ST7: variants seen among roughly 807,000 people sequenced by gnomAD.
The protein encoded by ST7 is suppression of tumorigenicity 7, also known as suppressor of tumorigenicity 7 protein.
Under a neutral mutation model 78.7 loss-of-function variants are expected in ST7, and 28 were observed. The ratio of observed to expected loss-of-function variants is 0.36; its 90% CI spans 0.26 to 0.49. The LOEUF is 0.49. ST7 is among the 20% of genes least tolerant of loss of function. ST7 has a pLI of 0.99. For synonymous variants in ST7, 247 were observed against 249.6 expected (o/e 0.99, Z 0.10); for missense variants, 418 against 696.0 (o/e 0.60, Z 4.49).
At position 117,031,882 on chromosome 7, in the gene ST7, A is replaced by AT. The variant is rs760153477; in HGVS notation, c.152-67864dup. ...TCTATCTATCTATCTATATATATATATTTTTTTTTTTTTTTTGGCAATGGA... is the reference window on the plus strand; with the variant it reads ...TCTATCTATCTATCTATATATATATATTTTTTTTTTTTTTTTTGGCAATGGA... On this transcript the variant is annotated intron_variant, in intron 1 of 15. Coordinates refer to ENST00000323984, the MANE Select transcript of ST7 (RefSeq NM_001369598.1). Among the ~76,000 whole-genome samples the AT allele has an allele frequency of 1.1e-3, 126 of 110,340 alleles. 5 individuals are homozygous for AT. Among genetic ancestry groups the AT allele is most frequent in the Admixed American group, 1.9e-3 (19 of 10,258 alleles). The allele number at this position is 110,340 out of a possible 152,430, so 72.4% of individuals were successfully genotyped here.
intron 13 of ST7, among the ~76,000 whole-genome samples, chr7:117,213,111 G>A (rs1374475797): frequency 6.6e-6 from 1 of 152,192 alleles, no homozygotes; most frequent in African/African-American, 2.4e-5. Context: ...GAAAGTTGCC[G>A]CAGCTCCCTC....
intron 1 of ST7, chr7:116,972,731 C>T (rs1345226322): frequency 3.3e-6 from 3 of 922,072 alleles, no homozygotes; most frequent in South Asian, 2.6e-5. Flanking sequence ...TCCAGCTTCT[C>T]ATGAACCAGC....
intron 7 of ST7, 79 bp downstream of exon 7, chr7:117,134,271 A>C: frequency 6.3e-7 from 1 of 1,593,756 alleles, no homozygotes. Context: ...TGACACCCCC[A>C]TCACCACACT....
chr7:116,981,333 C>T (rs1040478251), intron 1 of ST7, among the ~76,000 whole-genome samples: 3 of 152,108 alleles, frequency 2.0e-5, no homozygotes, highest in Non-Finnish European at 4.4e-5. Flanking sequence ...TGGTCTCAAA[C>T]TCCTGGGCTT....
chr7:117,164,408 GAT>G (rs1033043881), intron 9 of ST7, among the ~76,000 whole-genome samples: 1 of 152,128 alleles, frequency 6.6e-6, no homozygotes, highest in African/African-American at 2.4e-5. Context: ...TTCAGAATGT[GAT>G]AGAAACAATG....
intron 15 of ST7, 84 bp downstream of exon 15, chr7:117,222,146 C>G: frequency 6.8e-7 from 1 of 1,473,114 alleles, no homozygotes; most frequent in Non-Finnish European, 9.0e-7. Flanking sequence ...AATGGGGTTG[C>G]CTTACAGAAA....
At chr7:117,125,136 C>G (rs1803721690) in intron 3 of ST7, among the ~76,000 whole-genome samples, 1 of 152,062 alleles carries the variant, frequency 6.6e-6, no homozygotes, top group Non-Finnish European at 1.5e-5. Flanking sequence ...TCCTTTGACA[C>G]TAAAATTTGT....
chr7:117,088,923 C>A (rs1377482251), intron 1 of ST7, among the ~76,000 whole-genome samples: 2 of 152,124 alleles, frequency 1.3e-5, no homozygotes, highest in African/African-American at 2.4e-5. Flanking sequence ...CCCCAGAGCA[C>A]CAAGCACTAA....
chr7:117,061,930 G>A (rs1156231655), intron 1 of ST7, among the ~76,000 whole-genome samples: 4 of 152,202 alleles, frequency 2.6e-5, no homozygotes, highest in Non-Finnish European at 5.9e-5. Context: ...TGAGTCAGAA[G>A]CTCAGGCTGC....
Position 117,007,590 on chromosome 7 carries a change from T to A in ST7, c.151+53899T>A, listed in dbSNP as rs1795207703. Among the ~76,000 whole-genome samples, 2 of 152,352 alleles carry A rather than the reference T, an allele frequency of 1.3e-5. 1 individual carries two copies. Among genetic ancestry groups the A allele is most frequent in the South Asian group, 4.1e-4 (2 of 4,822 alleles). ...AGATACCTGATGAAGGTGGCTACAC[T>A]CAACAACAGATTTTCAGTGTAGGTG... On this transcript the variant is annotated intron_variant, in intron 1 of 15. Transcript: ENST00000323984.
At chr7:117,054,173 A>C (rs954466814) in intron 1 of ST7, among the ~76,000 whole-genome samples, 3 of 151,688 alleles carry the variant, frequency 2.0e-5, no homozygotes, top group African/African-American at 7.3e-5. Flanking sequence ...GCTTTCCCAC[A>C]CTCTGAGCAC....
intron 15 of ST7, among the ~76,000 whole-genome samples, chr7:117,227,394 A>G (rs550518603): frequency 1.3e-5 from 2 of 152,306 alleles, no homozygotes; most frequent in East Asian, 3.9e-4. Context: ...CACCTTGTTT[A>G]TTAAGCCCTA....
intron 2 of ST7, chr7:117,118,213 T>C (rs965085046): frequency 4.6e-5 from 7 of 153,310 alleles, no homozygotes; most frequent in African/African-American, 1.7e-4. Flanking sequence ...TTTTGGATTT[T>C]GGATTTTTGG....
At chr7:117,191,244 C>T (rs963515175) in intron 12 of ST7, among the ~76,000 whole-genome samples, 1 of 152,080 alleles carries the variant, frequency 6.6e-6, no homozygotes, top group Non-Finnish European at 1.5e-5. Flanking sequence ...ACAGGAATTT[C>T]ACACCAGTTA....
At chr7:117,029,693 A>G (rs1224621972) in intron 1 of ST7, among the ~76,000 whole-genome samples, 1 of 151,212 alleles carries the variant, frequency 6.6e-6, no homozygotes, top group African/African-American at 2.4e-5. Context: ...TTTTGCTTCT[A>G]TGTGTGCTAT....
chr7:116,972,475 T>A, intron 1 of ST7: 1 of 837,332 alleles, frequency 1.2e-6, no homozygotes, highest in Non-Finnish European at 2.0e-6. Context: ...CAGCTCAGTT[T>A]GTTCCTCTGT....
intron 3 of ST7, among the ~76,000 whole-genome samples, chr7:117,128,007 C>A (rs1305911759): frequency 1.3e-5 from 2 of 151,844 alleles, no homozygotes; most frequent in South Asian, 4.1e-4. Context: ...TTGTTGGAGA[C>A]AAAATATTTG....
chr7:117,182,411 A>C (rs1189256356), intron 10 of ST7, among the ~76,000 whole-genome samples: 1 of 152,240 alleles, frequency 6.6e-6, no homozygotes. Context: ...CAGAAAAATG[A>C]CTAATAAGCT....
chr7:117,145,073 G>T (rs892127082), intron 9 of ST7, among the ~76,000 whole-genome samples: 1 of 151,994 alleles, frequency 6.6e-6, no homozygotes, highest in African/African-American at 2.4e-5. Context: ...GGTAGCACAC[G>T]CCTGTGGTCC....
Sources: allele counts gnomAD v4.1 joint callset (sites outside exome capture counted in the v4.1 genomes callset), GRCh38; gene constraint gnomAD v4.1.1; transcripts MANE v1.5; gene names NCBI Gene and HGNC (gene_info 2026-07-23, HGNC 2026-07-21).